The following AMD1 variants were observed in gnomAD, a reference collection of about 807,000 sequenced individuals.
AMD1 encodes the protein adenosylmethionine decarboxylase 1, also known as S-adenosylmethionine decarboxylase proenzyme.
AMD1 carries 11 observed loss-of-function variants against 40.2 expected under a neutral mutation model. That is an observed-to-expected ratio of 0.27 (90% confidence interval 0.17 to 0.45). The LOEUF (loss-of-function observed/expected upper bound fraction) is 0.45, where lower values mean the gene tolerates loss of function less well. Among genes scored for constraint, AMD1 ranks in the 20% least tolerant of loss-of-function variants. The probability of loss-of-function intolerance (pLI) is 1.00; values close to 1 mark genes in which losing one functional copy is unlikely to be tolerated. For missense variants in AMD1, 257 were observed against 410.2 expected (o/e 0.63, Z 3.23); for synonymous variants, 121 against 130.8 (o/e 0.93, Z 0.51).
chr6:110,876,456 G>C (rs1177954984), intron 1 of AMD1, among the ~76,000 whole-genome samples: 1 of 152,224 alleles, frequency 6.6e-6, no homozygotes, highest in Admixed American at 6.5e-5. Context: ...GCTGTTCTTG[G>C]AGCTGTCCCT....
Position 110,892,779 on chromosome 6 carries a change from C to G in AMD1, c.660C>G (p.Ala220=). ...TGATACCAGGTTCTGTCATTGATGC[C>G]ACAATGTTCAATCCTTGTGGGTATT... ...RDLIPGSVID[A]TMFNPCGYSM... is the part of the protein sequence containing the mutation. The change falls in exon 7 of 9, where the codon GCC becomes GCG. Residue 220 remains alanine (A), a synonymous_variant. Coordinates refer to ENST00000368885, the MANE Select transcript of AMD1 (RefSeq NM_001634.6). The G allele has an allele frequency of 6.2e-7, 1 of 1,613,690 alleles. No homozygotes were observed. Among genetic ancestry groups the G allele is most frequent in the Non-Finnish European group, 8.5e-7 (1 of 1,179,874 alleles).
chr6:110,843,079 GC>G, the AMD1 span, among the ~76,000 whole-genome samples: 5 of 152,156 alleles, frequency 3.3e-5, no homozygotes, highest in African/African-American at 1.2e-4. Context: ...GTTGCAGTGA[GC>G]CGAGATCGGG....
the AMD1 span, among the ~76,000 whole-genome samples, chr6:110,860,078 T>C: frequency 2.0e-5 from 3 of 152,116 alleles, no homozygotes; most frequent in African/African-American, 7.2e-5. Flanking sequence ...CCGCCCACCT[T>C]GGCCTCCCCA....
chr6:110,879,027 T>TA (rs1562334953), intron 1 of AMD1, among the ~76,000 whole-genome samples: 1 of 152,162 alleles, frequency 6.6e-6, no homozygotes, highest in African/African-American at 2.4e-5. Flanking sequence ...TGCTTCCTGC[T>TA]AAAGAATAAA....
At chr6:110,858,536 A>G in the AMD1 span, 2 of 1,598,212 alleles carry the variant, frequency 1.3e-6, no homozygotes, top group Non-Finnish European at 1.7e-6. Context: ...CAGCTACGGC[A>G]TGAACACCGT....
chr6:110,846,370 T>C, the AMD1 span, among the ~76,000 whole-genome samples: 13 of 152,200 alleles, frequency 8.5e-5, no homozygotes, highest in Admixed American at 6.6e-4. Flanking sequence ...TTCCTTTTAA[T>C]TGAATATACA....
At chr6:110,858,016 TTC>T in the AMD1 span, among the ~76,000 whole-genome samples, 1 of 151,968 alleles carries the variant, frequency 6.6e-6, no homozygotes, top group Non-Finnish European at 1.5e-5. Flanking sequence ...TTATTTTTTT[TTC>T]TTTTTGGTAG....
Position 110,885,781 on chromosome 6 carries a change from A to G in AMD1, c.111-1724A>G, listed in dbSNP as rs1004465943. ...CTGTAATCATTAGCAAGCCTTTCACATTAAAGATTTTTGGATGGGTATTGG... is the reference window on the plus strand; with the variant it reads ...CTGTAATCATTAGCAAGCCTTTCACGTTAAAGATTTTTGGATGGGTATTGG... On this transcript the variant is annotated intron_variant, in intron 1 of 8. Coordinates refer to ENST00000368885, the MANE Select transcript of AMD1 (RefSeq NM_001634.6). 2.6e-5 allele frequency among the ~76,000 whole-genome samples: 4 copies of G among 152,208 alleles called. No individual in the cohort carries two copies. In the East Asian group the frequency reaches 7.7e-4, roughly 29 times the overall value.
the AMD1 span, among the ~76,000 whole-genome samples, chr6:110,829,995 T>A: frequency 6.6e-6 from 1 of 151,844 alleles, no homozygotes; most frequent in African/African-American, 2.4e-5. Flanking sequence ...ATGTTAAGGA[T>A]CTTTGTTTTT....
chr6:110,831,720 A>G, the AMD1 span, among the ~76,000 whole-genome samples: 2 of 152,218 alleles, frequency 1.3e-5, 1 homozygote, highest in South Asian at 4.1e-4. Flanking sequence ...CTCGTCTTAC[A>G]ACACCACTCC....
chr6:110,859,004 C>T, the AMD1 span: 2 of 1,170,944 alleles, frequency 1.7e-6, no homozygotes, highest in Admixed American at 3.4e-5. Context: ...AGCAAAGCGG[C>T]CAGGTCTTTG....
chr6:110,844,759 C>T, the AMD1 span, among the ~76,000 whole-genome samples: 1 of 147,732 alleles, frequency 6.8e-6, no homozygotes, highest in Non-Finnish European at 1.5e-5. Context: ...CCACCCTGGG[C>T]AACAAGAGCA....
the AMD1 span, among the ~76,000 whole-genome samples, chr6:110,840,639 C>T: frequency 6.6e-6 from 1 of 151,580 alleles, no homozygotes; most frequent in Non-Finnish European, 1.5e-5. Flanking sequence ...TCTAGGAAAC[C>T]AGTCCTCTCG....
At chr6:110,864,636 A>G in the AMD1 span, among the ~76,000 whole-genome samples, 2 of 152,352 alleles carry the variant, frequency 1.3e-5, no homozygotes, top group African/African-American at 4.8e-5. Flanking sequence ...TGGAACCCCA[A>G]TCATGGGGTC....
intron 1 of AMD1, among the ~76,000 whole-genome samples, chr6:110,878,775 A>AT (rs1306216680): frequency 6.6e-6 from 1 of 152,120 alleles, no homozygotes; most frequent in Non-Finnish European, 1.5e-5. Context: ...GAAAAGAATG[A>AT]TTTTTCAGGA....
chr6:110,831,375 A>C, the AMD1 span, among the ~76,000 whole-genome samples: 1 of 151,460 alleles, frequency 6.6e-6, no homozygotes, highest in Non-Finnish European at 1.5e-5. Flanking sequence ...GGAGGCAGAG[A>C]TTGCAGTGAG....
At chr6:110,865,054 A>G in the AMD1 span, among the ~76,000 whole-genome samples, 2 of 152,226 alleles carry the variant, frequency 1.3e-5, no homozygotes, top group African/African-American at 4.8e-5. Flanking sequence ...GAAGTAGGAG[A>G]AAGACCTTGC....
intron 1 of AMD1, among the ~76,000 whole-genome samples, chr6:110,883,735 G>A (rs1030175738): frequency 2.6e-5 from 4 of 151,960 alleles, no homozygotes; most frequent in African/African-American, 9.7e-5. Context: ...GGGACTACAG[G>A]TGCCCGCCAC....
chr6:110,820,666 C>T, the AMD1 span, among the ~76,000 whole-genome samples: 2 of 152,054 alleles, frequency 1.3e-5, no homozygotes, highest in Non-Finnish European at 2.9e-5. Flanking sequence ...CTTTGGGAGG[C>T]CAAGGTGGGC....
Sources: allele counts gnomAD v4.1 joint callset (sites outside exome capture counted in the v4.1 genomes callset), GRCh38; gene constraint gnomAD v4.1.1; transcripts MANE v1.5; gene names NCBI Gene and HGNC (gene_info 2026-07-23, HGNC 2026-07-21).